DLGAP3: variants seen among roughly 807,000 people sequenced by gnomAD.
DLGAP3 encodes the protein DLG associated protein 3.
DLGAP3 carries 17 observed loss-of-function variants against 81.2 expected under a neutral mutation model. The ratio of observed to expected loss-of-function variants is 0.21; its 90% confidence interval spans 0.14 to 0.31. The LOEUF (loss-of-function observed/expected upper bound fraction) is 0.31. Among genes scored for constraint, DLGAP3 ranks in the 10% least tolerant of loss-of-function variants. DLGAP3 has a pLI of 1.00. For synonymous variants in DLGAP3, 577 were observed against 587.4 expected (o/e 0.98, Z 0.26); for missense variants, 1,124 against 1,388.0 (o/e 0.81, Z 3.02).
Position 34,895,731 on chromosome 1 carries a change from CA to C in DLGAP3, c.1386+3937del, listed in dbSNP as rs1333015490. On this transcript the variant is annotated intron_variant, in intron 5 of 11. Transcript: ENST00000373347. This position sits in a 1 kb window ranked among gnomAD's most constrained non-coding sequence, Gnocchi z 4.5. ...TGTGGTAATAGCATAAAGATAGGTTCAAGCAGACCAATGGAATAAATTTTAA... is the reference window on the plus strand; with the variant it reads ...TGTGGTAATAGCATAAAGATAGGTTCAGCAGACCAATGGAATAAATTTTAA... Among the ~76,000 whole-genome samples the C allele has an allele frequency of 6.6e-6, 1 of 152,076 alleles. No homozygotes were observed. The highest frequency in any genetic ancestry group is 2.4e-5 in the African/African-American group (1 of 41,394).
At position 34,904,740 on chromosome 1, in the gene DLGAP3, C is replaced by G. The variant is rs780364495; in HGVS notation, c.644G>C (p.Gly215Ala). The part of the protein sequence containing the change: ...GSGGDSYPGP[G>A]SGGPHTSHHH... ...ATGGGAGGTGTGGGGGCCTCCAGAGCCCGGGCCGGGGTAGCTGTCTCCTCC... is the reference window on the plus strand; with the variant it reads ...ATGGGAGGTGTGGGGGCCTCCAGAGGCCGGGCCGGGGTAGCTGTCTCCTCC... Residue 215 changes from glycine (G) to alanine (A), a missense_variant, in exon 3 of 12, where the codon GGC (glycine) becomes GCC (alanine). Gly to Ala is a moderately conservative substitution (Grantham distance 60). Coordinates refer to ENST00000373347, the MANE Select transcript of DLGAP3 (RefSeq NM_001080418.3). The surrounding 1 kb of genome is among the most constrained non-coding windows in gnomAD (Gnocchi z 8.1). The G allele has an allele frequency of 6.2e-7, 1 of 1,612,068 alleles. No homozygotes were observed. Among genetic ancestry groups the G allele is most frequent in the Admixed American group, 1.7e-5 (1 of 60,028 alleles).
chr1:34,916,691 AT>A (rs1639722883), intron 1 of DLGAP3, among the ~76,000 whole-genome samples: 7 of 48,118 alleles, frequency 1.5e-4, no homozygotes, highest in South Asian at 7.9e-4. Context: ...ATTTTATTTT[AT>A]TTTATTTTAT....
In DLGAP3 at chr1:34,867,563, C is replaced by T. The variant is rs1471415624; in HGVS notation, c.2550G>A (p.Gln850=). ...TQLLLSQKVQ[Q]FFRLCQQSMD... ...TGCTTTGCTGACACAGCCGGAAGAA[C>T]TGCTGAACCTTCTGGGACAGGAGAA... The change falls in exon 10 of 12, where the codon CAG becomes CAA. Residue 850 remains glutamine, a synonymous_variant. Transcript: ENST00000373347. This position sits in a 1 kb window ranked among gnomAD's most constrained non-coding sequence, Gnocchi z 4.3. 1 of 1,613,970 alleles carries T rather than the reference C, an allele frequency of 6.2e-7. No homozygotes were observed. The highest frequency in any genetic ancestry group is 2.2e-5 in the East Asian group (1 of 44,896).
intron 1 of DLGAP3, among the ~76,000 whole-genome samples, chr1:34,920,564 GTC>G (rs1639781447): frequency 6.6e-6 from 1 of 152,154 alleles, no homozygotes; most frequent in African/African-American, 2.4e-5. Flanking sequence ...TGTACATTGT[GTC>G]TCTTTTTCTC....
At chr1:34,881,826 C>A (rs1639149767) in intron 8 of DLGAP3, among the ~76,000 whole-genome samples, 1 of 152,150 alleles carries the variant, frequency 6.6e-6, no homozygotes, top group Non-Finnish European at 1.5e-5. Flanking sequence ...AATAAAATTT[C>A]ACTCATATTT....
chr1:34,884,323 A>G (rs1454389556), intron 8 of DLGAP3, among the ~76,000 whole-genome samples: 2 of 151,976 alleles, frequency 1.3e-5, no homozygotes, highest in African/African-American at 4.8e-5. Context: ...CTTTCTCCCC[A>G]TAGGCACCCA....
In DLGAP3 at chr1:34,905,322, T is replaced by G. The variant is rs1639532794; in HGVS notation, c.62A>C (p.Gln21Pro). The G allele has an allele frequency of 4.5e-6, 7 of 1,563,030 alleles. No individual in the cohort carries two copies. The highest frequency in any genetic ancestry group is 1.4e-5 in the African/African-American group (1 of 73,794). Residue 21 changes from glutamine to proline, a missense_variant, in exon 3 of 12, where the codon CAG becomes CCG. This residue lies in a region of DLGAP3 where 167 missense variants were observed against 172.1 expected (regional missense o/e 0.97). Transcript: ENST00000373347. ...GGCAGCAGGGCCCACGTCCATATGCTGTTGGTCAGCAAAGCGGGCTGGGCG... is the reference window on the plus strand; with the variant it reads ...GGCAGCAGGGCCCACGTCCATATGCGGTTGGTCAGCAAAGCGGGCTGGGCG... Reference protein sequence around the residue: ...HPRPARFADQQHMDVGPAARA... With the variant: ...HPRPARFADQPHMDVGPAARA...
chr1:34,875,453 A>G (rs1639037265), intron 8 of DLGAP3, among the ~76,000 whole-genome samples: 2 of 152,214 alleles, frequency 1.3e-5, no homozygotes, highest in Non-Finnish European at 2.9e-5. Context: ...TTATCTGATC[A>G]TCAAATTTAA....
intron 8 of DLGAP3, among the ~76,000 whole-genome samples, chr1:34,880,588 G>A (rs928773578): frequency 1.4e-4 from 21 of 151,924 alleles, no homozygotes; most frequent in South Asian, 1.3e-3. Context: ...AAAATTAGCC[G>A]GGCATGGTGG....
At position 34,929,204 on chromosome 1, in the gene DLGAP3, C is replaced by G. The variant is rs1324580425; in HGVS notation, c.-135+247G>C. 1.3e-5 allele frequency among the ~76,000 whole-genome samples: 2 copies of G among 151,646 alleles called. No individual in the cohort carries two copies. Among genetic ancestry groups the G allele is most frequent in the African/African-American group, 4.8e-5 (2 of 41,390 alleles). On this transcript the variant is annotated intron_variant, in intron 1 of 11. Coordinates refer to ENST00000373347, the MANE Select transcript of DLGAP3 (RefSeq NM_001080418.3). The surrounding 1 kb of genome is among the most constrained non-coding windows in gnomAD (Gnocchi z 6.5). ...GCTGGCCTGTCCCCGCGGCCCTGAC[C>G]GGGAGCGTGGGTCCGCGGTCCGCGT...
At chr1:34,911,605 T>C (rs1007716582) in intron 1 of DLGAP3, among the ~76,000 whole-genome samples, 1 of 152,158 alleles carries the variant, frequency 6.6e-6, no homozygotes, top group Non-Finnish European at 1.5e-5. Context: ...GACAAATTCT[T>C]CTCTGATGCA....
Position 34,885,640 on chromosome 1 carries a change from C to T in DLGAP3, c.1752G>A (p.Gly584=). Residue 584 remains glycine, a synonymous_variant, in exon 7 of 12, where the codon GGG becomes GGA. Transcript: ENST00000373347. ...GCGCACCCATGGCGGGGCCGTCCAG[C>T]CCGTCGGCGGAGCTGCAGCGCCGGG... The part of the protein sequence containing the change: ...GPARRCSSAD[G]LDGPAMGART... 2 of 1,491,748 alleles carry T rather than the reference C, an allele frequency of 1.3e-6. No homozygotes were observed. Among genetic ancestry groups the T allele is most frequent in the Non-Finnish European group, 1.8e-6 (2 of 1,125,948 alleles). The allele number at this position is 1,491,748 out of a possible 1,614,324, so 92.4% of individuals were successfully genotyped here.
intron 1 of DLGAP3, among the ~76,000 whole-genome samples, chr1:34,911,407 C>T (rs1272077334): frequency 3.3e-5 from 5 of 152,198 alleles, no homozygotes; most frequent in Non-Finnish European, 7.3e-5. Context: ...CCCTGAAGTC[C>T]TATGACAATT....
At position 34,904,533 on chromosome 1, in the gene DLGAP3, C is replaced by A. The variant is rs201571698; in HGVS notation, c.851G>T (p.Gly284Val). Residue 284 changes from glycine to valine, a missense_variant, in exon 3 of 12, where the codon GGT (glycine) becomes GTT (valine). This residue lies in a region of DLGAP3 where 357 missense variants were observed against 408.8 expected (regional missense o/e 0.87). Coordinates refer to ENST00000373347, the MANE Select transcript of DLGAP3 (RefSeq NM_001080418.3). This position sits in a 1 kb window ranked among gnomAD's most constrained non-coding sequence, Gnocchi z 8.1. ...LAGGRPPGEPGGPFCLEGPDG... is the reference protein window; with the variant it reads ...LAGGRPPGEPVGPFCLEGPDG... ...TGGACCCTCCAGGCAGAAGGGACCA[C>A]CAGGCTCCCCAGGGGGCCTCCCACC... 3 of 1,614,082 alleles carry A rather than the reference C, an allele frequency of 1.9e-6. No individual in the cohort carries two copies. Among genetic ancestry groups the A allele is most frequent in the Non-Finnish European group, 2.5e-6 (3 of 1,180,014 alleles).
chr1:34,866,713 T>C (rs1638886280), intron 11 of DLGAP3, among the ~76,000 whole-genome samples: 1 of 152,012 alleles, frequency 6.6e-6, no homozygotes, highest in Non-Finnish European at 1.5e-5. Context: ...CGTCGATGCC[T>C]AGGCCCGAAC....
intron 2 of DLGAP3, among the ~76,000 whole-genome samples, chr1:34,905,938 C>A (rs1050008543): frequency 6.8e-6 from 1 of 147,016 alleles, no homozygotes; most frequent in Non-Finnish European, 1.5e-5. Context: ...CACAAGAGCT[C>A]AAAGCTGCAG....
Position 34,886,208 on chromosome 1 carries a change from G to C in DLGAP3, c.1464C>G (p.Asp488Glu). Residue 488 changes from aspartate (D) to glutamate (E), a missense_variant, in exon 6 of 12, where the codon GAC (aspartate) becomes GAG (glutamate). Physicochemically the swap from Asp to Glu is conservative, Grantham distance 45. This residue lies in a region of DLGAP3 where 357 missense variants were observed against 408.8 expected (regional missense o/e 0.87). Transcript: ENST00000373347. ...VFGELESQAV[D>E]ALDLPGCFRM... ...GGAAACAGCCGGGCAGGTCCAGGGC[G>C]TCCACGGCCTGGGACTCCAGCTCCC... 5.0e-6 allele frequency: 8 copies of C among 1,611,360 alleles called. No individual in the cohort carries two copies. Among genetic ancestry groups the C allele is most frequent in the Non-Finnish European group, 6.8e-6 (8 of 1,179,326 alleles).
At chr1:34,885,838 T>C in intron 6 of DLGAP3, 47 bp from the exon 7 acceptor site, 1 of 1,373,190 alleles carries the variant, frequency 7.3e-7, no homozygotes, top group Non-Finnish European at 9.5e-7. Flanking sequence ...CTCGCGGCCC[T>C]GCCTGGGTCC....
chr1:34,899,007 G>C (rs897958770), intron 5 of DLGAP3, among the ~76,000 whole-genome samples: 11 of 152,166 alleles, frequency 7.2e-5, no homozygotes, highest in Non-Finnish European at 1.5e-4. Flanking sequence ...AGGACAGAGG[G>C]GTAAGGTGGC....
Sources: gnomAD v4.1 joint callset for allele counts (sites outside exome capture counted in the v4.1 genomes callset) on GRCh38, gnomAD v4.1.1 for gene constraint, gnomAD v4.1.1 regional missense constraint, Gnocchi (gnomAD v3.1) non-coding constraint, MANE v1.5 for transcripts, NCBI Gene and HGNC (gene_info 2026-07-23, HGNC 2026-07-21) for gene names.